Variants in SRD5A1 observed in about 807,000 individuals in gnomAD.
SRD5A1 encodes steroid 5 alpha-reductase 1, also known as 3-oxo-5-alpha-steroid 4-dehydrogenase 1.
A neutral mutation model predicts 28.2 loss-of-function variants in SRD5A1; 22 were observed. The ratio of observed to expected loss-of-function variants is 0.78; its 90% CI spans 0.56 to 1.12. The LOEUF is 1.12. Ranked by LOEUF, SRD5A1 falls within the 50% of genes most tolerant of loss-of-function variation. The probability of loss-of-function intolerance (pLI) is 0.00; values close to 1 mark genes in which losing one functional copy is unlikely to be tolerated. For synonymous variants in SRD5A1, 151 were observed against 135.0 expected (o/e 1.12, Z -0.82); for missense variants, 300 against 346.7 (o/e 0.87, Z 1.07).
chr5:6,659,154 C>G (rs994012924), intron 3 of SRD5A1, among the ~76,000 whole-genome samples: 2 of 150,818 alleles, frequency 1.3e-5, no homozygotes, highest in South Asian at 4.2e-4. Flanking sequence ...CGCTCTGTCA[C>G]CCAGGCTGGA....
rs1302542105 is a variant in SRD5A1 at position 6,674,110 on chromosome 5, ATTAT to A, written c.*5846_*5849del. 6.6e-6 allele frequency: 1 copy of A among 151,696 alleles called. No individual in the cohort carries two copies. Among genetic ancestry groups the A allele is most frequent in the East Asian group, 1.9e-4 (1 of 5,194 alleles). 9.4% of individuals were successfully genotyped at this position (151,696 alleles called of 1,614,324 possible). ...TAAACTCTGGATTTTTATTAATAATATTATTTAATTAAAATGATTTATTTTACTT... is the reference window on the plus strand; with the variant it reads ...TAAACTCTGGATTTTTATTAATAATATTAATTAAAATGATTTATTTTACTT... On this transcript the variant is annotated 3_prime_UTR_variant, in exon 5 of 5. Coordinates refer to ENST00000274192, the MANE Select transcript of SRD5A1 (RefSeq NM_001047.4).
At chr5:6,668,092 A>G (rs1739241318) in intron 4 of SRD5A1, 110 bp from the exon 5 acceptor site, 1 of 652,390 alleles carries the variant, frequency 1.5e-6, no homozygotes, top group African/African-American at 1.9e-5. Context: ...TTGTTACTAC[A>G]TTTAAAAAAC....
chr5:6,666,211 G>A (rs1355477825), intron 4 of SRD5A1, among the ~76,000 whole-genome samples: 2 of 151,844 alleles, frequency 1.3e-5, no homozygotes, highest in South Asian at 2.1e-4. Flanking sequence ...GCAGTGGCGC[G>A]ATCTCGGCTC....
At chr5:6,655,637 A>G (rs1359856457) in intron 2 of SRD5A1, among the ~76,000 whole-genome samples, 1 of 152,240 alleles carries the variant, frequency 6.6e-6, no homozygotes, top group Non-Finnish European at 1.5e-5. Flanking sequence ...ACGTACAGCC[A>G]GTGGTGACAG....
At chr5:6,661,210 G>A (rs248797) in intron 3 of SRD5A1, among the ~76,000 whole-genome samples, 80,727 of 151,846 alleles carry the variant, frequency 0.53, 21,740 homozygotes, top group African/African-American at 0.59. Flanking sequence ...GTGCTGTCTC[G>A]GGCTCAGCAA....
At chr5:6,644,595 C>T (rs948267534) in intron 1 of SRD5A1, among the ~76,000 whole-genome samples, 9 of 152,250 alleles carry the variant, frequency 5.9e-5, no homozygotes, top group African/African-American at 2.2e-4. Flanking sequence ...GCTTGGTACA[C>T]TGAGGGGTAG....
Position 6,669,281 on chromosome 5 carries a change from T to G in SRD5A1, c.*1013T>G, listed in dbSNP as rs1739292469. ...AAAATTCTCTACAGCCTTCTTTTTC[T>G]TCCATAGCTAATCTTCCTTCTAATA... On this transcript the variant is annotated 3_prime_UTR_variant, in exon 5 of 5. Transcript: ENST00000274192. 6.6e-6 allele frequency: 1 copy of G among 152,276 alleles called. No homozygotes were observed. The highest frequency in any genetic ancestry group is 1.5e-5 in the Non-Finnish European group (1 of 68,050). 9.4% of individuals were successfully genotyped at this position (152,276 alleles called of 1,614,324 possible). A position where few individuals can be genotyped will look rare whatever the true frequency, so the allele number is the denominator to read the frequency against.
rs142592184 is a variant in SRD5A1 at position 6,664,965 on chromosome 5, C to T, written c.713+1999C>T. ...GCTCAATGCCAGGCATGGCAGAAAA[C>T]ACTGTGGGCCAGGAATGGGCCTTCT... On this transcript the variant is annotated intron_variant, in intron 4 of 4. Coordinates refer to ENST00000274192, the MANE Select transcript of SRD5A1 (RefSeq NM_001047.4). Among the ~76,000 whole-genome samples the T allele has an allele frequency of 4.8e-4, 73 of 152,368 alleles. No homozygotes were observed. The East Asian group carries it at 8.1e-3, about 17-fold the overall frequency.
intron 4 of SRD5A1, among the ~76,000 whole-genome samples, chr5:6,667,895 C>G (rs1293093266): frequency 6.6e-6 from 1 of 152,162 alleles, no homozygotes; most frequent in Non-Finnish European, 1.5e-5. Context: ...ATGCTTTCCC[C>G]GGGGGCTGAA....
chr5:6,646,131 GAC>G (rs1469096214), intron 1 of SRD5A1, among the ~76,000 whole-genome samples: 2 of 152,298 alleles, frequency 1.3e-5, no homozygotes, highest in South Asian at 2.1e-4. Context: ...TGCTGAGAAT[GAC>G]AGTTTCTAGC....
intron 1 of SRD5A1, 31 bp from the exon 2 acceptor site, chr5:6,651,811 A>T (rs757442500): frequency 9.0e-6 from 14 of 1,552,360 alleles, no homozygotes; most frequent in Admixed American, 3.8e-5. Flanking sequence ...TTAATTTTTT[A>T]AAAAATTGTG....
In SRD5A1 at chr5:6,633,717, G is replaced by T; in HGVS notation, c.141G>T (p.Arg47Ser). 2.5e-6 allele frequency: 4 copies of T among 1,593,814 alleles called. No homozygotes were observed. Among genetic ancestry groups the T allele is most frequent in the East Asian group, 2.2e-5 (1 of 44,638 alleles). The stretch of plus-strand genomic sequence containing the variant: ...GCCGCCACGCGCTGCCCAGCCACAG[G>T]CTCCGAGTGCCGGCGCGGGCCGCCT... ...VYGRHALPSH[R>S]LRVPARAAWV... is the part of the protein sequence containing the mutation. Residue 47 changes from arginine (R) to serine (S), a missense_variant, in exon 1 of 5, where the codon AGG becomes AGT. Physicochemically the swap from Arg to Ser is moderately radical, Grantham distance 110. Transcript: ENST00000274192.
intron 2 of SRD5A1, 56 bp from the exon 3 acceptor site, chr5:6,656,022 G>T (rs373831976): frequency 1.5e-6 from 2 of 1,314,546 alleles, no homozygotes; most frequent in African/African-American, 1.5e-5. Context: ...GCTGGGGCTC[G>T]TAGTGAAATT....
chr5:6,643,860 C>T (rs780941143), intron 1 of SRD5A1, among the ~76,000 whole-genome samples: 35 of 152,184 alleles, frequency 2.3e-4, no homozygotes, highest in Non-Finnish European at 2.1e-4. Context: ...CTTAAATGTT[C>T]TAGTTTTTCT....
In SRD5A1 at chr5:6,669,599, G is replaced by A. The variant is rs1407634800; in HGVS notation, c.*1331G>A. The A allele has an allele frequency of 6.6e-6, 1 of 152,028 alleles. No homozygotes were observed. The highest frequency in any genetic ancestry group is 6.5e-5 in the Admixed American group (1 of 15,268). The allele number at this position is 152,028 out of a possible 1,614,324, so 9.4% of individuals were successfully genotyped here. On this transcript the variant is annotated 3_prime_UTR_variant, in exon 5 of 5. Transcript: ENST00000274192. ...AAATTCTTTTACTAATTGTTACATC[G>A]AAACATTCTTTCATCATATTTCCTG...
At chr5:6,653,608 C>A (rs8192191) in intron 2 of SRD5A1, 1 of 152,160 alleles carries the variant, frequency 6.6e-6, no homozygotes, top group African/African-American at 2.4e-5. Context: ...TGATTTCCAC[C>A]ACCTCACCAA....
chr5:6,656,906 G>A (rs368880582), intron 3 of SRD5A1, among the ~76,000 whole-genome samples: 5 of 152,284 alleles, frequency 3.3e-5, no homozygotes, highest in African/African-American at 9.6e-5. Flanking sequence ...ATGAGGGAGA[G>A]CGTAATTCAA....
At chr5:6,660,917 G>A (rs1405336198) in intron 3 of SRD5A1, among the ~76,000 whole-genome samples, 1 of 152,134 alleles carries the variant, frequency 6.6e-6, no homozygotes, top group African/African-American at 2.4e-5. Flanking sequence ...GCAGGAGAGA[G>A]AGCGAGTGAA....
At position 6,633,736 on chromosome 5, in the gene SRD5A1, G is replaced by A. The variant is rs751048453; in HGVS notation, c.160G>A (p.Ala54Thr). Residue 54 changes from alanine (A) to threonine (T), a missense_variant, in exon 1 of 5, where the codon GCC becomes ACC. Transcript: ENST00000274192. ...PSHRLRVPAR[A>T]AWVVQELPSL... is the part of the protein sequence containing the mutation. Reference sequence around the variant, plus strand: ...CCACAGGCTCCGAGTGCCGGCGCGGGCCGCCTGGGTGGTGCAGGAGCTGCC... The same window carrying A: ...CCACAGGCTCCGAGTGCCGGCGCGGACCGCCTGGGTGGTGCAGGAGCTGCC... 2.7e-5 allele frequency: 43 copies of A among 1,594,522 alleles called. No individual in the cohort carries two copies. The highest frequency in any genetic ancestry group is 3.6e-5 in the Non-Finnish European group (43 of 1,178,122).
Sources: gnomAD v4.1 joint callset for allele counts (sites outside exome capture counted in the v4.1 genomes callset) on GRCh38, gnomAD v4.1.1 for gene constraint, MANE v1.5 for transcripts, NCBI Gene and HGNC (gene_info 2026-07-23, HGNC 2026-07-21) for gene names.